PMS2: variants seen among roughly 807,000 people sequenced by gnomAD.
PMS2 encodes the protein PMS1 homolog 2, mismatch repair system component, also known as mismatch repair endonuclease PMS2.
PMS2 carries 69 observed loss-of-function variants against 90.0 expected under a neutral mutation model. That is an observed-to-expected ratio of 0.77 (90% confidence interval 0.63 to 0.94). The LOEUF is 0.94. Among genes scored for constraint, PMS2 ranks in the 40% least tolerant of loss-of-function variants. The pLI, the probability that PMS2 is intolerant of heterozygous loss-of-function variation, is 0.00. For synonymous variants in PMS2, 332 were observed against 375.1 expected, an observed-to-expected ratio of 0.89 and a Z score of 1.33; for missense variants, 966 against 1,040.2, an observed-to-expected ratio of 0.93 and a Z score of 0.98.
intron 8 of PMS2, among the ~76,000 whole-genome samples, chr7:5,994,264 C>G (rs1307825955): frequency 2.0e-5 from 3 of 151,782 alleles, no homozygotes; most frequent in African/African-American, 7.3e-5. Flanking sequence ...GCCTGTAATC[C>G]CAGCTACTTG....
intron 8 of PMS2, among the ~76,000 whole-genome samples, chr7:5,995,329 G>A (rs990160528): frequency 6.6e-6 from 1 of 152,156 alleles, no homozygotes; most frequent in Non-Finnish European, 1.5e-5. Flanking sequence ...GAGCCACTGC[G>A]CCCGGACAGA....
At chr7:5,998,664 A>C (rs146370552) in intron 6 of PMS2, among the ~76,000 whole-genome samples, 14,510 of 149,404 alleles carry the variant, frequency 0.097, 745 homozygotes, top group Admixed American at 0.11. Context: ...ACTGCACTCC[A>C]ACCTGGGCAA....
intron 1 of PMS2, among the ~76,000 whole-genome samples, chr7:6,006,649 A>AG (rs1397695954): frequency 6.6e-6 from 1 of 152,002 alleles, no homozygotes; most frequent in Non-Finnish European, 1.5e-5. Flanking sequence ...AAAAAAAAAA[A>AG]TGAAAGTAAC....
chr7:6,003,811 T>G lies in PMS2; in HGVS notation c.251-19A>C. The G allele has an allele frequency of 6.7e-7, 1 of 1,503,390 alleles. No homozygotes were observed. Among genetic ancestry groups the G allele is most frequent in the Non-Finnish European group, 9.2e-7 (1 of 1,081,730 alleles). The allele number at this position is 1,503,390 out of a possible 1,614,324, so 93.1% of individuals were successfully genotyped here. ...TTCAGAGCTGAAAGAGAGTGTAAAG[T>G]AAGGACTAAGATATCTCAAGTGCTA... On this transcript the variant is annotated intron_variant, in intron 3 of 14. Transcript: ENST00000265849.
intron 6 of PMS2, 131 bp downstream of exon 6, chr7:5,998,977 G>C (rs112527904): frequency 6.9e-6 from 6 of 865,052 alleles, no homozygotes; most frequent in Non-Finnish European, 1.1e-5. Flanking sequence ...GCAGCAGTGC[G>C]AGACTCCCTC....
intron 11 of PMS2, among the ~76,000 whole-genome samples, chr7:5,983,714 T>C (rs548588815): frequency 5.4e-4 from 82 of 151,342 alleles, no homozygotes; most frequent in East Asian, 4.5e-3. Flanking sequence ...TGCAGTGGCG[T>C]GACCGTGGCT....
chr7:5,991,065 G>C (rs1426207931), intron 9 of PMS2, among the ~76,000 whole-genome samples: 1 of 151,960 alleles, frequency 6.6e-6, no homozygotes, highest in Non-Finnish European at 1.5e-5. Flanking sequence ...TATAAGGAAA[G>C]TATTTATAAT....
intron 6 of PMS2, 134 bp downstream of exon 6, chr7:5,998,974 T>C (rs1300934902): frequency 1.1e-5 from 9 of 827,532 alleles, no homozygotes; most frequent in Non-Finnish European, 1.7e-5. Flanking sequence ...TGGGCAGCAG[T>C]GCGAGACTCC....
chr7:5,989,072 G>A lies in PMS2; in HGVS notation c.1144+728C>T, dbSNP rs565671753. On this transcript the variant is annotated intron_variant, in intron 10 of 14. Transcript: ENST00000265849. ...GAGTTTCACCGTGTTAGATAGTCTCGATCTCCTGACCTCGTGAGCCGCCCG... is the reference window on the plus strand; with the variant it reads ...GAGTTTCACCGTGTTAGATAGTCTCAATCTCCTGACCTCGTGAGCCGCCCG... Among the ~76,000 whole-genome samples the A allele has an allele frequency of 2.6e-5, 4 of 152,192 alleles. No individual in the cohort carries two copies. The South Asian group carries it at 8.3e-4, about 32-fold the overall frequency.
At chr7:5,986,229 G>A (rs1782844812) in intron 11 of PMS2, among the ~76,000 whole-genome samples, 2 of 149,276 alleles carry the variant, frequency 1.3e-5, no homozygotes, top group Admixed American at 6.7e-5. Context: ...TTACAACTGC[G>A]CACTACCGCG....
chr7:5,996,678 C>T (rs968878298), intron 7 of PMS2, among the ~76,000 whole-genome samples: 3 of 148,770 alleles, frequency 2.0e-5, no homozygotes, highest in South Asian at 2.1e-4. Flanking sequence ...TTTTCTTATA[C>T]GAAAAGTAAT....
chr7:6,007,856 ATTTTTTTTT>A (rs144545311), intron 1 of PMS2, among the ~76,000 whole-genome samples: 2 of 126,616 alleles, frequency 1.6e-5, no homozygotes, highest in African/African-American at 3.0e-5. Flanking sequence ...TCCACTTCTG[ATTTTTTTTT>A]TTTTTTTTTT....
intron 7 of PMS2, among the ~76,000 whole-genome samples, chr7:5,996,847 A>T (rs2128783190): frequency 6.6e-6 from 1 of 152,240 alleles, no homozygotes; most frequent in Middle Eastern, 3.4e-3. Flanking sequence ...GTTTGAATTA[A>T]GCAACTGACT....
At chr7:5,980,770 A>G (rs1158010740) in intron 12 of PMS2, among the ~76,000 whole-genome samples, 1 of 135,558 alleles carries the variant, frequency 7.4e-6, no homozygotes, top group African/African-American at 2.9e-5. Flanking sequence ...AAAAACACAA[A>G]AACAAAAAAC....
intron 6 of PMS2, among the ~76,000 whole-genome samples, chr7:5,997,684 G>C (rs768132847): frequency 3.3e-5 from 5 of 152,082 alleles, no homozygotes; most frequent in Non-Finnish European, 7.4e-5. Context: ...GAGTAGCTGG[G>C]ACTACAGGTG....
At chr7:5,982,798 T>G (rs1187374424) in intron 12 of PMS2, 26 bp downstream of exon 12, 1 of 1,610,224 alleles carries the variant, frequency 6.2e-7, no homozygotes, top group East Asian at 2.2e-5. Flanking sequence ...AGGGGGAGTC[T>G]GGGAATGAAC....
chr7:5,983,888 G>A lies in PMS2; in HGVS notation c.2007-897C>T, dbSNP rs1194373618. ...GCTGGTCTTGAACTCCCGACCTCAA[G>A]TGATCCACCTGCCTCGGCCTCCCAA... On this transcript the variant is annotated intron_variant, in intron 11 of 14. Coordinates refer to ENST00000265849, the MANE Select transcript of PMS2 (RefSeq NM_000535.7). Among the ~76,000 whole-genome samples, 4 of 151,380 alleles carry A rather than the reference G, an allele frequency of 2.6e-5. 1 individual carries two copies. The highest frequency in any genetic ancestry group is 9.8e-5 in the African/African-American group (4 of 40,956).
In PMS2 at chr7:5,987,163, G is replaced by C. The variant is rs1554297497; in HGVS notation, c.1602C>G (p.Asp534Glu). ...CAGTTTTAGGCGCTTTCTCCTGAGAGTCCACATGTTCCTGCGAGCCCCTGT... is the reference window on the plus strand; with the variant it reads ...CAGTTTTAGGCGCTTTCTCCTGAGACTCCACATGTTCCTGCGAGCCCCTGT... ...PGDRGSQEHVDSQEKAPKTDD... is the reference protein window; with the variant it reads ...PGDRGSQEHVESQEKAPKTDD... Residue 534 changes from aspartate to glutamate, a missense_variant, in exon 11 of 15, where the codon GAC (aspartate) becomes GAG (glutamate). By Grantham distance (45) the Asp-to-Glu change is conservative (BLOSUM62 2). Transcript: ENST00000265849. 3 of 1,613,702 alleles carry C rather than the reference G, an allele frequency of 1.9e-6. No homozygotes were observed. The highest frequency in any genetic ancestry group is 2.5e-6 in the Non-Finnish European group (3 of 1,179,820).
At chr7:5,990,133 G>A (rs970299685) in intron 9 of PMS2, among the ~76,000 whole-genome samples, 178 bp from the exon 10 acceptor site, 5 of 152,178 alleles carry the variant, frequency 3.3e-5, no homozygotes, top group East Asian at 1.9e-4. Flanking sequence ...CTCAGCCTCC[G>A]AAGTAGCTAG....
Sources: allele counts gnomAD v4.1 joint callset (sites outside exome capture counted in the v4.1 genomes callset), GRCh38; gene constraint gnomAD v4.1.1; transcripts MANE v1.5; gene names NCBI Gene and HGNC (gene_info 2026-07-23, HGNC 2026-07-21).